Variants in CDH13 observed in about 807,000 individuals in gnomAD.
CDH13 encodes cadherin-13.
A neutral mutation model predicts 63.8 loss-of-function variants in CDH13; 24 were observed. The observed-to-expected ratio is 0.38, with a 90% confidence interval of 0.27 to 0.53. The LOEUF is 0.53. CDH13 is among the 20% of genes least tolerant of loss of function. The pLI is 0.85. For missense variants in CDH13, 1,049 were observed against 903.1 expected (o/e 1.16, Z -2.07); for synonymous variants, 503 against 355.3 (o/e 1.42, Z -4.67).
At chr16:83,643,238 C>T (rs112821190) in intron 8 of CDH13, among the ~76,000 whole-genome samples, 1 of 67,032 alleles carries the variant, frequency 1.5e-5, no homozygotes, top group Non-Finnish European at 2.6e-5. Context: ...ACATATGTAA[C>T]TAACCTGCAC....
intron 13 of CDH13, 37 bp from the exon 14 acceptor site, chr16:83,794,986 G>A: frequency 1.9e-6 from 3 of 1,578,128 alleles, no homozygotes; most frequent in South Asian, 1.2e-5. Context: ...ATTGAGTGGT[G>A]ATATTCCCGA....
intron 8 of CDH13, among the ~76,000 whole-genome samples, chr16:83,656,974 C>G (rs536301591): frequency 6.6e-6 from 1 of 152,310 alleles, no homozygotes; most frequent in Admixed American, 6.5e-5. Context: ...GATTAAAGGA[C>G]AGGCTGATGC....
chr16:83,256,846 A>G (rs1348628026), intron 5 of CDH13, among the ~76,000 whole-genome samples: 22 of 3,586 alleles, frequency 6.1e-3, no homozygotes, highest in African/African-American at 0.011. Context: ...CTCCATCTCA[A>G]AAAAAAAAAA....
At chr16:83,322,641 G>A (rs1196571657) in intron 5 of CDH13, among the ~76,000 whole-genome samples, 1 of 152,072 alleles carries the variant, frequency 6.6e-6, no homozygotes, top group African/African-American at 2.4e-5. Flanking sequence ...CAGTGAGCAG[G>A]GGGTGCCCAG....
In CDH13 at chr16:83,125,407, C is replaced by G. The variant is rs2035766476; in HGVS notation, c.389C>G (p.Thr130Ser). 1.2e-6 allele frequency: 2 copies of G among 1,602,046 alleles called. No individual in the cohort carries two copies. The highest frequency in any genetic ancestry group is 1.3e-5 in the African/African-American group (1 of 74,680). Residue 130 changes from threonine (T) to serine (S), a missense_variant, in exon 4 of 14, where the codon ACT (threonine) becomes AGT (serine). By Grantham distance (58) the Thr-to-Ser change is moderately conservative (BLOSUM62 1). Transcript: ENST00000567109. ...TAGGATATATTTAAATTTGCAAGAACTTCTCCTGTCCCAAGACAAAAGAGG... is the reference window on the plus strand; with the variant it reads ...TAGGATATATTTAAATTTGCAAGAAGTTCTCCTGTCCCAAGACAAAAGAGG... ...SLQDIFKFAR[T>S]SPVPRQKRSI...
At chr16:83,541,036 C>T (rs906202334) in intron 7 of CDH13, among the ~76,000 whole-genome samples, 40 of 152,122 alleles carry the variant, frequency 2.6e-4, no homozygotes, top group South Asian at 4.1e-4. Flanking sequence ...ATCATCTTGA[C>T]GTCTCCTGGT....
At chr16:82,762,965 C>G (rs542968367) in intron 1 of CDH13, among the ~76,000 whole-genome samples, 4 of 152,244 alleles carry the variant, frequency 2.6e-5, no homozygotes, top group Middle Eastern at 6.8e-3. Context: ...ACATGAACTG[C>G]TCTAAGATTG....
At chr16:82,671,540 A>T (rs1483269339) in intron 1 of CDH13, among the ~76,000 whole-genome samples, 2 of 152,232 alleles carry the variant, frequency 1.3e-5, no homozygotes, top group Non-Finnish European at 2.9e-5. Context: ...AAAGCAGATC[A>T]ATTTTTAAAA....
At chr16:83,518,204 G>A (rs931085157) in intron 7 of CDH13, among the ~76,000 whole-genome samples, 10 of 152,000 alleles carry the variant, frequency 6.6e-5, no homozygotes, top group Non-Finnish European at 1.2e-4. Flanking sequence ...GAGTGCAGTG[G>A]CGTGATCTTG....
At chr16:82,741,221 A>C (rs1429701687) in intron 1 of CDH13, among the ~76,000 whole-genome samples, 1 of 152,206 alleles carries the variant, frequency 6.6e-6, no homozygotes, top group African/African-American at 2.4e-5. Flanking sequence ...TAGCTTTACA[A>C]TAACCTTCAC....
intron 5 of CDH13, among the ~76,000 whole-genome samples, chr16:83,291,463 A>T (rs2089464464): frequency 6.6e-6 from 1 of 152,178 alleles, no homozygotes. Context: ...CTGATAGTGC[A>T]AAATTGGGAC....
chr16:83,271,496 T>C (rs573758658), intron 5 of CDH13, among the ~76,000 whole-genome samples: 1,780 of 31,516 alleles, frequency 0.056, 22 homozygotes, highest in Non-Finnish European at 0.085. Context: ...AATGGGCTTT[T>C]ATTTAAAAAA....
At chr16:83,178,566 A>G (rs1372460497) in intron 4 of CDH13, among the ~76,000 whole-genome samples, 1 of 152,236 alleles carries the variant, frequency 6.6e-6, no homozygotes, top group Non-Finnish European at 1.5e-5. Context: ...GGCCATTAAA[A>G]TGCTGATTTG....
intron 5 of CDH13, among the ~76,000 whole-genome samples, chr16:83,341,041 C>G (rs914157558): frequency 1.4e-4 from 22 of 152,112 alleles, no homozygotes; most frequent in Non-Finnish European, 1.8e-4. Context: ...CCATGCCTAC[C>G]TATTTGTTTT....
chr16:82,913,503 T>C (rs7191394), intron 2 of CDH13, among the ~76,000 whole-genome samples: 6,835 of 152,196 alleles, frequency 0.045, 468 homozygotes, highest in African/African-American at 0.16. Flanking sequence ...ACTATTTTAC[T>C]TTCTGTGAAT....
intron 8 of CDH13, among the ~76,000 whole-genome samples, chr16:83,669,560 C>G (rs983826684): frequency 4.6e-5 from 7 of 152,152 alleles, no homozygotes; most frequent in African/African-American, 1.7e-4. Flanking sequence ...CATGCATGTT[C>G]TAAGAATTTT....
intron 1 of CDH13, among the ~76,000 whole-genome samples, chr16:82,770,915 C>G (rs1355798565): frequency 6.6e-6 from 1 of 152,112 alleles, no homozygotes; most frequent in East Asian, 1.9e-4. Context: ...ACCACATTGC[C>G]CAGGCTGGTC....
At chr16:83,467,587 G>A (rs2073348567) in intron 6 of CDH13, among the ~76,000 whole-genome samples, 1 of 152,222 alleles carries the variant, frequency 6.6e-6, no homozygotes, top group Non-Finnish European at 1.5e-5. Context: ...CCTCCACGGA[G>A]TTGGTTCTCA....
chr16:82,869,346 A>ATT (rs57486405), intron 2 of CDH13, among the ~76,000 whole-genome samples: 6 of 146,238 alleles, frequency 4.1e-5, no homozygotes, highest in African/African-American at 5.0e-5. Context: ...CTCAGCGGGA[A>ATT]TTTTTTTTTT....
Sources: gnomAD v4.1 joint callset for allele counts (sites outside exome capture counted in the v4.1 genomes callset) on GRCh38, gnomAD v4.1.1 for gene constraint, MANE v1.5 for transcripts, NCBI Gene and HGNC (gene_info 2026-07-23, HGNC 2026-07-21) for gene names.